The following IGF2BP2 variants were observed in gnomAD, a reference collection of about 807,000 sequenced individuals.
The protein encoded by IGF2BP2 is insulin-like growth factor 2 mRNA-binding protein 2.
In IGF2BP2, 17 loss-of-function variants were observed where a neutral mutation model predicts 75.8. That is an observed-to-expected ratio of 0.22 (90% CI 0.15 to 0.34). The LOEUF (loss-of-function observed/expected upper bound fraction) is 0.34, where lower values mean the gene tolerates loss of function less well. Ranked by LOEUF, IGF2BP2 falls within the 10% of genes least tolerant of loss-of-function variation. IGF2BP2 has a pLI of 1.00. For synonymous variants in IGF2BP2, 288 were observed against 295.6 expected (o/e 0.97, Z 0.26); for missense variants, 516 against 772.4 (o/e 0.67, Z 3.93).
At chr3:185,815,647 AT>A (rs1490635264) in intron 2 of IGF2BP2, among the ~76,000 whole-genome samples, 1 of 152,162 alleles carries the variant, frequency 6.6e-6, no homozygotes, top group African/African-American at 2.4e-5. Context: ...CTGAGTCAGA[AT>A]TCCACGGAAA....
At chr3:185,707,257 T>C (rs1724162262) in intron 2 of IGF2BP2, among the ~76,000 whole-genome samples, 2 of 149,644 alleles carry the variant, frequency 1.3e-5, no homozygotes, top group African/African-American at 4.9e-5. Context: ...TCTAAAATTC[T>C]GCTTTTTTAA....
At chr3:185,652,231 T>C (rs1040516417) in intron 12 of IGF2BP2, 63 bp from the exon 13 acceptor site, 2 of 1,410,060 alleles carry the variant, frequency 1.4e-6, no homozygotes, top group African/African-American at 2.8e-5. Context: ...CTCTTTCTTG[T>C]CTAAGTGGAC....
chr3:185,742,819 G>A (rs374463365), intron 2 of IGF2BP2, among the ~76,000 whole-genome samples: 45 of 152,222 alleles, frequency 3.0e-4, no homozygotes, highest in African/African-American at 1.1e-3. Context: ...ACTGCATTGC[G>A]GCCAGGCACA....
intron 12 of IGF2BP2, among the ~76,000 whole-genome samples, chr3:185,656,297 TCC>T (rs1157574660): frequency 6.6e-6 from 1 of 152,226 alleles, no homozygotes; most frequent in East Asian, 1.9e-4. Context: ...AGGGCTCTCA[TCC>T]TGTCTGTCCA....
chr3:185,649,558 T>C lies in IGF2BP2; in HGVS notation c.1462-24A>G, dbSNP rs772367775. The C allele has an allele frequency of 5.0e-6, 8 of 1,613,404 alleles. No homozygotes were observed. The Admixed American group carries it at 1.2e-4, about 24-fold the overall frequency. ...GCCTGAGAGAGCAAGACATGACTAA[T>C]GACTCTCAGTCAGCCAGCAGCCGGC... On this transcript the variant is annotated intron_variant, in intron 13 of 15. Coordinates refer to ENST00000382199, the MANE Select transcript of IGF2BP2 (RefSeq NM_006548.6).
intron 2 of IGF2BP2, among the ~76,000 whole-genome samples, chr3:185,815,631 C>T (rs1338289402): frequency 1.3e-5 from 2 of 152,134 alleles, no homozygotes; most frequent in Non-Finnish European, 2.9e-5. Flanking sequence ...TCCTCTCCCC[C>T]ATCTCCTGAG....
At chr3:185,686,961 A>G in intron 7 of IGF2BP2, 96 bp downstream of exon 7, 1 of 1,361,098 alleles carries the variant, frequency 7.3e-7, no homozygotes, top group Non-Finnish European at 1.0e-6. Flanking sequence ...ACTGAGTAAC[A>G]GATTTGGAGT....
chr3:185,656,694 G>A (rs1715487503), intron 12 of IGF2BP2, among the ~76,000 whole-genome samples: 1 of 152,194 alleles, frequency 6.6e-6, no homozygotes, highest in Admixed American at 6.5e-5. Context: ...CAGCTTCTCT[G>A]ATGATTCTCC....
intron 1 of IGF2BP2, 46 bp downstream of exon 1, chr3:185,824,737 C>G: frequency 8.0e-7 from 1 of 1,252,204 alleles, no homozygotes; most frequent in Non-Finnish European, 1.0e-6. Context: ...GCCGTCCCGG[C>G]CTGAGCGGGG....
At chr3:185,661,238 G>C (rs1319622977) in intron 10 of IGF2BP2, among the ~76,000 whole-genome samples, 1 of 152,136 alleles carries the variant, frequency 6.6e-6, no homozygotes, top group African/African-American at 2.4e-5. Flanking sequence ...ACCTCTACAA[G>C]TTGGAAAAAA....
chr3:185,651,961 GAGCC>G, intron 13 of IGF2BP2, 129 bp downstream of exon 13: 1 of 597,250 alleles, frequency 1.7e-6, no homozygotes, highest in Admixed American at 3.1e-5. Flanking sequence ...ATGACAGGGT[GAGCC>G]TGAGCTTGGT....
chr3:185,713,434 A>C, intron 2 of IGF2BP2: 1 of 520,094 alleles, frequency 1.9e-6, no homozygotes, highest in South Asian at 1.4e-5. Flanking sequence ...TTTAATGGCA[A>C]CACCACTAGA....
intron 2 of IGF2BP2, chr3:185,716,337 A>G: frequency 2.4e-6 from 1 of 416,906 alleles, no homozygotes; most frequent in East Asian, 5.7e-5. Context: ...ATAAACACTG[A>G]CGTAACTGAT....
At position 185,666,001 on chromosome 3, in the gene IGF2BP2, CATAGATAGATAGATAG is replaced by C. The variant is rs57817338; in HGVS notation, c.1200+6524_1200+6539del. On this transcript the variant is annotated intron_variant, in intron 10 of 15. Coordinates refer to ENST00000382199, the MANE Select transcript of IGF2BP2 (RefSeq NM_006548.6). ...AGATAGATAGATAGGTAGATAGGTA[CATAGATAGATAGATAG>C]ATAGATAGATAGATAGATAGATAGA... is the stretch of plus-strand genomic sequence containing the variant. Among the ~76,000 whole-genome samples, 974 of 145,386 alleles carry C rather than the reference CATAGATAGATAGATAG, an allele frequency of 6.7e-3. 7 individuals carry two copies. The highest frequency in any genetic ancestry group is 0.017 in the African/African-American group (661 of 38,916).
chr3:185,658,426 A>G lies in IGF2BP2; in HGVS notation c.1201-17T>C. ...GGAGTGGGTCTGCAGCATGAGAGAA[A>G]GAGTCAGTGGGCGGGTGCTCTCAGG... On this transcript the variant is annotated splice_polypyrimidine_tract_variant and intron_variant, in intron 10 of 15. Coordinates refer to ENST00000382199, the MANE Select transcript of IGF2BP2 (RefSeq NM_006548.6). 6.2e-6 allele frequency: 10 copies of G among 1,611,226 alleles called. No individual in the cohort carries two copies. The highest frequency in any genetic ancestry group is 8.5e-6 in the Non-Finnish European group (10 of 1,177,922).
At chr3:185,748,089 T>C (rs1730496791) in intron 2 of IGF2BP2, among the ~76,000 whole-genome samples, 1 of 152,080 alleles carries the variant, frequency 6.6e-6, no homozygotes, top group African/African-American at 2.4e-5. Flanking sequence ...TCTCCTGACC[T>C]TGTGATCCAT....
At chr3:185,708,666 A>G (rs1724388118) in intron 2 of IGF2BP2, among the ~76,000 whole-genome samples, 1 of 152,114 alleles carries the variant, frequency 6.6e-6, no homozygotes, top group Admixed American at 6.5e-5. Flanking sequence ...CCTGGCTCCA[A>G]TCAGGGCAGT....
intron 2 of IGF2BP2, among the ~76,000 whole-genome samples, chr3:185,769,822 C>A (rs1397836465): frequency 3.0e-5 from 4 of 132,826 alleles, no homozygotes; most frequent in African/African-American, 9.3e-5. Context: ...AGAATGAGAC[C>A]CTGTCTCCAA....
chr3:185,824,714 CCTCCCTCCCGG>C (rs1354196476), intron 1 of IGF2BP2, 58 bp downstream of exon 1: 271 of 1,177,852 alleles, frequency 2.3e-4, no homozygotes, highest in Non-Finnish European at 2.7e-4. Flanking sequence ...CCGGACTCGG[CCTCCCTCCCGG>C]CGCCGTCCCG....
Sources: allele counts gnomAD v4.1 joint callset (sites outside exome capture counted in the v4.1 genomes callset), GRCh38; gene constraint gnomAD v4.1.1; transcripts MANE v1.5; gene names NCBI Gene and HGNC (gene_info 2026-07-23, HGNC 2026-07-21).